The following NEBL variants were observed in gnomAD, a reference collection of about 807,000 sequenced individuals.
The protein encoded by NEBL is LIM and SH3 protein 2.
A neutral mutation model predicts 140.2 loss-of-function variants in NEBL; 122 were observed. That is an observed-to-expected ratio of 0.87 (90% CI 0.75 to 1.01). The LOEUF (loss-of-function observed/expected upper bound fraction) is 1.01, where lower values mean the gene tolerates loss of function less well. Among genes scored for constraint, NEBL ranks in the 50% least tolerant of loss-of-function variants. The pLI, the probability that NEBL is intolerant of heterozygous loss-of-function variation, is 0.00. For synonymous variants in NEBL, 436 were observed against 398.9 expected, an observed-to-expected ratio of 1.09 and a Z score of -1.11; for missense variants, 1,365 against 1,231.3, an observed-to-expected ratio of 1.11 and a Z score of -1.62.
intron 2 of NEBL, among the ~76,000 whole-genome samples, chr10:21,021,373 C>A (rs1398460118): frequency 6.6e-6 from 1 of 152,164 alleles, no homozygotes; most frequent in Non-Finnish European, 1.5e-5. Context: ...TCAACGGCTT[C>A]CAGTTGATCT....
At chr10:20,936,118 A>G (rs1834471030) in intron 4 of NEBL, among the ~76,000 whole-genome samples, 1 of 152,188 alleles carries the variant, frequency 6.6e-6, no homozygotes, top group Admixed American at 6.5e-5. Context: ...TCTTTCCTCC[A>G]TTTTCAGTTT....
chr10:21,088,631 T>G (rs1836763018), intron 2 of NEBL, among the ~76,000 whole-genome samples: 1 of 152,124 alleles, frequency 6.6e-6, no homozygotes, highest in African/African-American at 2.4e-5. Flanking sequence ...TAAATGGAAA[T>G]ACAGTCTACT....
At chr10:21,276,738 G>A (rs1047758454) in intron 1 of NEBL, among the ~76,000 whole-genome samples, 1 of 152,278 alleles carries the variant, frequency 6.6e-6, no homozygotes, top group East Asian at 1.9e-4. Flanking sequence ...GGAGGCCAAA[G>A]CAGGCAGATC....
rs943132467 is a variant in NEBL, at chr10:21,173,293, T to C, written c.69+472A>G. 6.6e-6 allele frequency among the ~76,000 whole-genome samples: 1 copy of C among 151,240 alleles called. No individual in the cohort carries two copies. Among genetic ancestry groups the C allele is most frequent in the Non-Finnish European group, 1.5e-5 (1 of 67,806 alleles). ...TAGCAATGCGGCAGCGGCCGCCCCATGACATATTAATTACTATTTGCCTCT... is the reference window on the plus strand; with the variant it reads ...TAGCAATGCGGCAGCGGCCGCCCCACGACATATTAATTACTATTTGCCTCT... On this transcript the variant is annotated intron_variant, in intron 1 of 6. Coordinates refer to the NEBL transcript ENST00000417816. This position sits in a 1 kb window ranked among gnomAD's most constrained non-coding sequence, Gnocchi z 5.7.
chr10:21,092,715 T>C (rs973741397), intron 2 of NEBL, among the ~76,000 whole-genome samples: 1 of 152,086 alleles, frequency 6.6e-6, no homozygotes, highest in Non-Finnish European at 1.5e-5. Flanking sequence ...TTCAAAGCAC[T>C]TTTTAACTCT....
In NEBL at chr10:21,162,963, T is replaced by C. The variant is rs146513594; in HGVS notation, c.164+9420A>G. The stretch of plus-strand genomic sequence containing the variant: ...AATATATCTAAATTTTATTAATTCC[T>C]TACCATGTGCCTGAAACTCTGCTAA... On this transcript the variant is annotated intron_variant, in intron 2 of 6. Transcript: ENST00000417816. 7.1e-3 allele frequency among the ~76,000 whole-genome samples: 1,075 copies of C among 152,330 alleles called. 6 individuals are homozygous for C. Among genetic ancestry groups the C allele is most frequent in the Non-Finnish European group, 0.011 (755 of 68,034 alleles).
chr10:20,918,862 TTAAATAAATAAA>T (rs368628865), intron 4 of NEBL, among the ~76,000 whole-genome samples: 1 of 151,252 alleles, frequency 6.6e-6, no homozygotes, highest in African/African-American at 2.4e-5. Flanking sequence ...AAAAAATAAA[TTAAATAAATAAA>T]TAAATAAATA....
At chr10:21,189,818 G>A (rs763073414) in intron 3 of NEBL, among the ~76,000 whole-genome samples, 4 of 152,154 alleles carry the variant, frequency 2.6e-5, no homozygotes, top group Non-Finnish European at 5.9e-5. Flanking sequence ...GTTAAGGGAG[G>A]TCTGAGAAAC....
intron 2 of NEBL, among the ~76,000 whole-genome samples, chr10:21,064,069 C>T (rs906954906): frequency 6.6e-6 from 1 of 152,002 alleles, no homozygotes; most frequent in African/African-American, 2.4e-5. Context: ...GAGACCCTGT[C>T]TCAGAAAAGC....
chr10:21,102,284 C>T (rs1259962205), intron 2 of NEBL, among the ~76,000 whole-genome samples: 1 of 152,116 alleles, frequency 6.6e-6, no homozygotes, highest in Non-Finnish European at 1.5e-5. Flanking sequence ...ATAATTGGCT[C>T]ACAATATAAT....
chr10:21,076,755 T>A (rs1176430570), intron 2 of NEBL, among the ~76,000 whole-genome samples: 2 of 152,276 alleles, frequency 1.3e-5, no homozygotes, highest in Admixed American at 6.5e-5. Context: ...AATCAGCCAG[T>A]CACAAAAGGA....
intron 2 of NEBL, among the ~76,000 whole-genome samples, chr10:21,052,734 T>A (rs1834832354): frequency 6.6e-6 from 1 of 152,112 alleles, no homozygotes; most frequent in African/African-American, 2.4e-5. Context: ...AGAATGGGAT[T>A]TTACAGACCA....
At chr10:20,980,668 C>T (rs1173587450) in intron 3 of NEBL, among the ~76,000 whole-genome samples, 1 of 152,148 alleles carries the variant, frequency 6.6e-6, no homozygotes, top group African/African-American at 2.4e-5. Flanking sequence ...AGGCAAAGAT[C>T]CACATCTGCC....
chr10:20,894,744 C>T (rs1847305273), intron 2 of NEBL, among the ~76,000 whole-genome samples: 1 of 125,300 alleles, frequency 8.0e-6, no homozygotes, highest in Non-Finnish European at 1.7e-5. Context: ...GAAACCCCGT[C>T]TCTACTAAAA....
intron 1 of NEBL, among the ~76,000 whole-genome samples, chr10:21,291,332 C>G (rs558693033): frequency 6.6e-6 from 1 of 151,622 alleles, no homozygotes; most frequent in African/African-American, 2.4e-5. Context: ...GTGGTGAAAC[C>G]CTGTCTCTAC....
In NEBL at chr10:21,035,764, T is replaced by C. The variant is rs191123897; in HGVS notation, c.165-15563A>G. Among the ~76,000 whole-genome samples the C allele has an allele frequency of 4.7e-3, 721 of 152,244 alleles. 5 individuals are homozygous for C. Among genetic ancestry groups the C allele is most frequent in the Middle Eastern group, 0.02 (6 of 294 alleles). Reference sequence around the variant, plus strand: ...AAATCATACACATTTTCTTCTCAAATGGCAAACCTCCCACCCAAAGCCCAG... The same window carrying C: ...AAATCATACACATTTTCTTCTCAAACGGCAAACCTCCCACCCAAAGCCCAG... On this transcript the variant is annotated intron_variant, in intron 2 of 6. Coordinates refer to the NEBL transcript ENST00000417816.
At chr10:21,275,974 T>C (rs1167190625) in intron 1 of NEBL, among the ~76,000 whole-genome samples, 13 of 148,678 alleles carry the variant, frequency 8.7e-5, no homozygotes, top group African/African-American at 3.0e-4. Flanking sequence ...CTTTCTTTTT[T>C]TTTTTTTTTT....
At chr10:21,130,910 G>T (rs1839073068) in intron 2 of NEBL, among the ~76,000 whole-genome samples, 2 of 151,660 alleles carry the variant, frequency 1.3e-5, no homozygotes, top group Admixed American at 1.3e-4. Context: ...CAATAAAATT[G>T]AAAAGCAGGG....
At chr10:21,268,893 A>G (rs149950973) in intron 1 of NEBL, among the ~76,000 whole-genome samples, 1 of 152,234 alleles carries the variant, frequency 6.6e-6, no homozygotes, top group East Asian at 1.9e-4. Flanking sequence ...TTGGCATACA[A>G]CTCATAAGGT....
Sources: allele counts gnomAD v4.1 joint callset (sites outside exome capture counted in the v4.1 genomes callset), GRCh38; gene constraint gnomAD v4.1.1; non-coding constraint Gnocchi (gnomAD v3.1); transcripts MANE v1.5; gene names NCBI Gene and HGNC (gene_info 2026-07-23, HGNC 2026-07-21).